The following GPD2 variants were observed in gnomAD, a reference collection of about 807,000 sequenced individuals.
GPD2 encodes glycerol-3-phosphate dehydrogenase, mitochondrial.
Under a neutral mutation model 82.4 loss-of-function variants are expected in GPD2, and 54 were observed. The ratio of observed to expected loss-of-function variants is 0.66; its 90% CI spans 0.53 to 0.82. The LOEUF (loss-of-function observed/expected upper bound fraction) is 0.82, where lower values mean the gene tolerates loss of function less well. Among genes scored for constraint, GPD2 ranks in the 40% least tolerant of loss-of-function variants. GPD2 has a pLI of 0.00. For synonymous variants in GPD2, 288 were observed against 306.1 expected, an observed-to-expected ratio of 0.94 and a Z score of 0.62; for missense variants, 748 against 896.2, an observed-to-expected ratio of 0.83 and a Z score of 2.11.
At chr2:156,423,851 C>G in the GPD2 span, among the ~76,000 whole-genome samples, 1 of 152,174 alleles carries the variant, frequency 6.6e-6, no homozygotes, top group Non-Finnish European at 1.5e-5. Flanking sequence ...CCCTTTATCT[C>G]CTACCGCTAA....
intron 1 of GPD2, among the ~76,000 whole-genome samples, chr2:156,455,591 T>C (rs1682762981): frequency 6.6e-6 from 1 of 152,234 alleles, no homozygotes; most frequent in Non-Finnish European, 1.5e-5. Context: ...AATGATGTGT[T>C]GTCTTATACC....
At chr2:156,431,885 CTTTT>C (rs34394250), upstream of GPD2, among the ~76,000 whole-genome samples, 3 of 119,954 alleles carry the variant, frequency 2.5e-5, no homozygotes, top group Non-Finnish European at 3.4e-5. Flanking sequence ...TCTGTGAAAT[CTTTT>C]TTTTTTTTTT....
At chr2:156,518,481 C>G (rs760660008) in intron 6 of GPD2, among the ~76,000 whole-genome samples, 4 of 152,312 alleles carry the variant, frequency 2.6e-5, no homozygotes, top group Non-Finnish European at 4.4e-5. Context: ...AACGATGCCT[C>G]TGGCAAAAGG....
chr2:156,481,856 T>C (rs780060916), intron 2 of GPD2, among the ~76,000 whole-genome samples: 1 of 152,208 alleles, frequency 6.6e-6, no homozygotes, highest in Non-Finnish European at 1.5e-5. Flanking sequence ...CAGTCATCTG[T>C]TGATGGACAT....
chr2:156,567,095 A>C (rs1310177807), intron 9 of GPD2, among the ~76,000 whole-genome samples: 1 of 151,876 alleles, frequency 6.6e-6, no homozygotes, highest in African/African-American at 2.4e-5. Context: ...GGAATTTCTC[A>C]TATGTTCTGC....
At chr2:156,402,846 T>A in the GPD2 span, among the ~76,000 whole-genome samples, 1 of 152,120 alleles carries the variant, frequency 6.6e-6, no homozygotes, top group Non-Finnish European at 1.5e-5. Context: ...TTTTTAATTT[T>A]GAATCCTAAC....
chr2:156,546,183 G>A (rs1373302839), intron 6 of GPD2, among the ~76,000 whole-genome samples: 2 of 152,186 alleles, frequency 1.3e-5, no homozygotes, highest in Non-Finnish European at 2.9e-5. Context: ...GTTCCCGTCT[G>A]GGTCCTTGTG....
chr2:156,533,183 G>C (rs943328152), intron 6 of GPD2, among the ~76,000 whole-genome samples: 3 of 152,218 alleles, frequency 2.0e-5, no homozygotes, highest in African/African-American at 7.2e-5. Flanking sequence ...GAGTGAAACA[G>C]GTATCCTTCA....
At position 156,549,882 on chromosome 2, in the gene GPD2, A is replaced by G. The variant is rs1385224239; in HGVS notation, c.826+110A>G. ...CTCTTTCATTTATGCCACGCTTCAGAGTCATATTAATTATATTCGTTATTG... is the reference window on the plus strand; with the variant it reads ...CTCTTTCATTTATGCCACGCTTCAGGGTCATATTAATTATATTCGTTATTG... On this transcript the variant is annotated intron_variant, in intron 7 of 16. Coordinates refer to ENST00000438166, the MANE Select transcript of GPD2 (RefSeq NM_000408.5). 4 of 847,894 alleles carry G rather than the reference A, an allele frequency of 4.7e-6. No individual in the cohort carries two copies. The East Asian group carries it at 8.0e-5, about 17-fold the overall frequency. The allele number at this position is 847,894 out of a possible 1,614,324, so 52.5% of individuals were successfully genotyped here. A position where few individuals can be genotyped will look rare whatever the true frequency, so the allele number is the denominator to read the frequency against.
At chr2:156,410,624 C>T in the GPD2 span, among the ~76,000 whole-genome samples, 1 of 152,178 alleles carries the variant, frequency 6.6e-6, no homozygotes, top group Non-Finnish European at 1.5e-5. Context: ...TCCCGTCTCA[C>T]CTAAATAAGA....
intron 3 of GPD2, among the ~76,000 whole-genome samples, chr2:156,505,856 C>T (rs1313006096): frequency 6.6e-6 from 1 of 152,198 alleles, no homozygotes; most frequent in African/African-American, 2.4e-5. Flanking sequence ...TTATACTTAA[C>T]ATACCAGAAA....
At chr2:156,534,069 G>A (rs1056762929) in intron 6 of GPD2, among the ~76,000 whole-genome samples, 4 of 152,200 alleles carry the variant, frequency 2.6e-5, no homozygotes, top group African/African-American at 9.6e-5. Context: ...ATTGAAGGAT[G>A]GTAAATGCGG....
intron 9 of GPD2, among the ~76,000 whole-genome samples, chr2:156,563,015 A>G (rs1687231862): frequency 6.6e-6 from 1 of 152,134 alleles, no homozygotes; most frequent in East Asian, 1.9e-4. Context: ...ACTTTATTTA[A>G]TAGTAGTTTT....
At chr2:156,531,289 C>T (rs1201970326) in intron 6 of GPD2, among the ~76,000 whole-genome samples, 2 of 152,122 alleles carry the variant, frequency 1.3e-5, no homozygotes, top group African/African-American at 2.4e-5. Flanking sequence ...GGGATTTCTG[C>T]TGAAACTCCA....
chr2:156,479,409 A>T (rs974826305), intron 2 of GPD2, among the ~76,000 whole-genome samples: 1 of 152,190 alleles, frequency 6.6e-6, no homozygotes, highest in African/African-American at 2.4e-5. Context: ...ACTCTACTTC[A>T]TAGTATGGCT....
At chr2:156,467,200 T>G (rs965455144) in intron 1 of GPD2, among the ~76,000 whole-genome samples, 1 of 152,132 alleles carries the variant, frequency 6.6e-6, no homozygotes, top group Non-Finnish European at 1.5e-5. Flanking sequence ...AGTAATTGCC[T>G]GGGGAAATAA....
At chr2:156,534,291 T>A (rs1685981030) in intron 6 of GPD2, among the ~76,000 whole-genome samples, 1 of 152,210 alleles carries the variant, frequency 6.6e-6, no homozygotes, top group Non-Finnish European at 1.5e-5. Context: ...CTCTTCTGCT[T>A]ATCTGTTATC....
intron 1 of GPD2, among the ~76,000 whole-genome samples, chr2:156,452,949 C>G (rs1409469980): frequency 1.3e-5 from 2 of 152,154 alleles, no homozygotes; most frequent in African/African-American, 4.8e-5. Flanking sequence ...GTTGCATCTA[C>G]TTTACTTTCC....
intron 6 of GPD2, among the ~76,000 whole-genome samples, chr2:156,524,149 C>G (rs997148393): frequency 6.6e-6 from 1 of 151,950 alleles, no homozygotes; most frequent in African/African-American, 2.4e-5. Flanking sequence ...CCCACCCACC[C>G]CCACCTTTTG....
Sources: gnomAD v4.1 joint callset for allele counts (sites outside exome capture counted in the v4.1 genomes callset) on GRCh38, gnomAD v4.1.1 for gene constraint, MANE v1.5 for transcripts, NCBI Gene and HGNC (gene_info 2026-07-23, HGNC 2026-07-21) for gene names.